TTC6: variants seen among roughly 807,000 people sequenced by gnomAD.
TTC6 encodes the protein tetratricopeptide repeat domain 6, also known as tetratricopeptide repeat protein 6.
Under a neutral mutation model 210.4 loss-of-function variants are expected in TTC6, and 172 were observed. That is an observed-to-expected ratio of 0.82 (90% CI 0.72 to 0.93). TTC6 has a LOEUF of 0.93. Ranked by LOEUF, TTC6 falls within the 40% of genes least tolerant of loss-of-function variation. The pLI is 0.00. For missense variants in TTC6, 2,414 were observed against 2,318.1 expected (o/e 1.04, Z -0.85); for synonymous variants, 804 against 819.6 (o/e 0.98, Z 0.32).
intron 1 of TTC6, among the ~76,000 whole-genome samples, chr14:37,675,525 G>C (rs139202211): frequency 6.6e-6 from 1 of 152,030 alleles, no homozygotes; most frequent in Non-Finnish European, 1.5e-5. Context: ...GAATAGTGCT[G>C]CTATAGCATC....
At chr14:37,760,450 G>T (rs947348320) in intron 14 of TTC6, among the ~76,000 whole-genome samples, 5 of 152,182 alleles carry the variant, frequency 3.3e-5, no homozygotes, top group Non-Finnish European at 7.3e-5. Context: ...CTGTTGGGAG[G>T]TCTCTCCCAG....
chr14:37,794,070 G>C (rs1346137965), intron 17 of TTC6, among the ~76,000 whole-genome samples: 1 of 152,170 alleles, frequency 6.6e-6, no homozygotes, highest in African/African-American at 2.4e-5. Flanking sequence ...TAATGTCAGG[G>C]AAGCTTGTGA....
chr14:37,695,484 A>T (rs1364652440), intron 3 of TTC6, among the ~76,000 whole-genome samples: 1 of 152,030 alleles, frequency 6.6e-6, no homozygotes, highest in Non-Finnish European at 1.5e-5. Context: ...TCTCCTGAGT[A>T]GCTGGGATTA....
chr14:37,752,533 T>TA lies in TTC6; in HGVS notation c.3130-561dup, dbSNP rs1002437035. On this transcript the variant is annotated intron_variant, in intron 13 of 30. Transcript: ENST00000553443. The stretch of plus-strand genomic sequence containing the variant: ...ATCTTTAGGATTTTTTTTTTTATTT[T>TA]AAAAATATTTGGTCATCTCCTTTGT... Among the ~76,000 whole-genome samples, 84 of 152,104 alleles carry TA rather than the reference T, an allele frequency of 5.5e-4. No individual in the cohort carries two copies. In the South Asian group the frequency reaches 0.016, roughly 29 times the overall value.
At chr14:37,751,095 A>G in exon 13 of TTC6, 1 of 1,526,120 alleles carries the variant, frequency 6.6e-7, no homozygotes, top group African/African-American at 1.4e-5. Context: ...GGAAAAAAAG[A>G]CATAACTTTG....
At chr14:37,629,539 A>G (rs776590815) in intron 1 of TTC6, among the ~76,000 whole-genome samples, 5 of 152,182 alleles carry the variant, frequency 3.3e-5, no homozygotes, top group Non-Finnish European at 5.9e-5. Context: ...ATATACAATC[A>G]TGTCATTTGC....
intron 25 of TTC6, among the ~76,000 whole-genome samples, chr14:37,815,600 T>C (rs1487039145): frequency 6.6e-6 from 1 of 152,030 alleles, no homozygotes; most frequent in Non-Finnish European, 1.5e-5. Flanking sequence ...GATGTAGATC[T>C]ACATCTCATA....
rs535526780 is a variant in TTC6, at chr14:37,606,658, C to A, written c.-234-5C>A. ...TTAATCCCACCTTCAAATTTTTTTC[C>A]CTAGGAAAACCCTTTCCTGTATGCC... On this transcript the variant is annotated splice_polypyrimidine_tract_variant and splice_region_variant and intron_variant, in intron 1 of 2. Transcript: ENST00000556845. 39 of 942,932 alleles carry A rather than the reference C, an allele frequency of 4.1e-5. No homozygotes were observed. In the African/African-American group the frequency reaches 6.8e-4, roughly 16 times the overall value. 58.4% of individuals were successfully genotyped at this position (942,932 alleles called of 1,614,324 possible).
intron 3 of TTC6, among the ~76,000 whole-genome samples, chr14:37,695,596 G>A (rs1186557797): frequency 1.3e-5 from 2 of 152,054 alleles, no homozygotes; most frequent in African/African-American, 4.8e-5. Context: ...CAGGTGATCT[G>A]CCCGCCTTGG....
At chr14:37,773,389 T>C (rs2096026670) in intron 14 of TTC6, among the ~76,000 whole-genome samples, 1 of 152,202 alleles carries the variant, frequency 6.6e-6, no homozygotes, top group African/African-American at 2.4e-5. Context: ...GCAGAGGTTT[T>C]ATAGTTTTAG....
chr14:37,597,097 C>A (rs766929403), intron 1 of TTC6, among the ~76,000 whole-genome samples: 1 of 151,148 alleles, frequency 6.6e-6, no homozygotes, highest in African/African-American at 2.4e-5. Flanking sequence ...ACCTGGAACT[C>A]AGTAGGGCAG....
At chr14:37,780,549 C>G (rs1310286117) in intron 14 of TTC6, among the ~76,000 whole-genome samples, 2 of 152,190 alleles carry the variant, frequency 1.3e-5, no homozygotes, top group Non-Finnish European at 2.9e-5. Context: ...TGGCTTCTAA[C>G]TCCATCCACG....
chr14:37,701,379 C>T (rs1426905377), exon 5 of TTC6: 6 of 1,523,780 alleles, frequency 3.9e-6, no homozygotes, highest in Non-Finnish European at 5.3e-6. Flanking sequence ...CTGTGCACCA[C>T]CATCCCAGCC....
At chr14:37,780,957 C>T (rs1328035792) in intron 14 of TTC6, among the ~76,000 whole-genome samples, 2 of 152,176 alleles carry the variant, frequency 1.3e-5, no homozygotes, top group Non-Finnish European at 2.9e-5. Flanking sequence ...AGGATGTGAA[C>T]TCATCCTTTT....
chr14:37,626,975 C>G (rs1024991669), intron 1 of TTC6, among the ~76,000 whole-genome samples: 1 of 152,156 alleles, frequency 6.6e-6, no homozygotes, highest in Non-Finnish European at 1.5e-5. Context: ...ATCCTCAGTG[C>G]TGCAGGTGGG....
At chr14:37,797,054 A>C (rs894543471) in intron 20 of TTC6, 107 bp downstream of exon 22, 1 of 1,041,730 alleles carries the variant, frequency 9.6e-7, no homozygotes, top group Non-Finnish European at 1.3e-6. Flanking sequence ...CATACTATTT[A>C]TTTTCTGTGA....
chr14:37,729,752 C>G (rs1438420341), intron 7 of TTC6, among the ~76,000 whole-genome samples: 1 of 152,132 alleles, frequency 6.6e-6, no homozygotes, highest in Admixed American at 6.6e-5. Context: ...TTGGCGTCTA[C>G]TTCTACTTGA....
chr14:37,841,561 T>C (rs2096210187), exon 30 of TTC6: 32 of 1,607,518 alleles, frequency 2.0e-5, no homozygotes, highest in Non-Finnish European at 2.7e-5. Flanking sequence ...AAGAAGATTT[T>C]GCAAATGTAA....
chr14:37,807,285 A>C, intron 22 of TTC6, 35 bp from the exon 25 acceptor site: 1 of 1,449,558 alleles, frequency 6.9e-7, no homozygotes, highest in Non-Finnish European at 9.2e-7. Context: ...TTACTAAAGC[A>C]TCCATTCCTG....
Sources: gnomAD v4.1 joint callset for allele counts (sites outside exome capture counted in the v4.1 genomes callset) on GRCh38, gnomAD v4.1.1 for gene constraint, MANE v1.5 for transcripts, NCBI Gene and HGNC (gene_info 2026-07-23, HGNC 2026-07-21) for gene names.